PCLO: variants seen among roughly 807,000 people sequenced by gnomAD.
PCLO encodes piccolo presynaptic cytomatrix protein.
Under a neutral mutation model 427.5 loss-of-function variants are expected in PCLO, and 82 were observed. The ratio of observed to expected loss-of-function variants is 0.19; its 90% CI spans 0.16 to 0.23. The LOEUF is 0.23. Among genes scored for constraint, PCLO ranks in the 10% least tolerant of loss-of-function variants. The probability of loss-of-function intolerance (pLI) is 1.00; values close to 1 mark genes in which losing one functional copy is unlikely to be tolerated. For synonymous variants in PCLO, 2,357 were observed against 2,155.4 expected, an observed-to-expected ratio of 1.09 and a Z score of -2.59; for missense variants, 6,239 against 6,115.9, an observed-to-expected ratio of 1.02 and a Z score of -0.67.
intron 3 of PCLO, among the ~76,000 whole-genome samples, chr7:83,040,124 T>C (rs1788935671): frequency 6.8e-6 from 1 of 147,174 alleles, no homozygotes; most frequent in African/African-American, 2.5e-5. Flanking sequence ...TCATGTTTTC[T>C]TTTTTGTGCA....
At chr7:83,129,759 T>C (rs536196670) in intron 3 of PCLO, among the ~76,000 whole-genome samples, 12 of 152,302 alleles carry the variant, frequency 7.9e-5, no homozygotes, top group African/African-American at 2.6e-4. Flanking sequence ...AATGTTACTT[T>C]GGGTGTTTAA....
chr7:82,794,288 G>T (rs1315922638), intron 22 of PCLO, among the ~76,000 whole-genome samples: 3 of 151,358 alleles, frequency 2.0e-5, no homozygotes, highest in African/African-American at 7.3e-5. Context: ...TTTGAATAAC[G>T]TTTCTTTTCA....
chr7:82,913,878 A>G (rs1794381729), intron 7 of PCLO, among the ~76,000 whole-genome samples: 1 of 152,062 alleles, frequency 6.6e-6, no homozygotes, highest in Non-Finnish European at 1.5e-5. Context: ...CAAAAAACAA[A>G]ATCAAGAAAC....
In PCLO at chr7:82,950,262, G is replaced by C; in HGVS notation, c.10326C>G (p.Asp3442Glu). 6.2e-7 allele frequency: 1 copy of C among 1,613,082 alleles called. No individual in the cohort carries two copies. Among genetic ancestry groups the C allele is most frequent in the South Asian group, 1.1e-5 (1 of 91,018 alleles). ...CTTCGTCATCCGTTTGTACACCACT[G>C]TCCACTATCTTTTTAAAACTTCGGG... ...DDPRSFKKIV[D>E]SGVQTDDEDA... Residue 3442 changes from aspartate (D) to glutamate (E), a missense_variant, in exon 6 of 25, where the codon GAC becomes GAG. Physicochemically the swap from Asp to Glu is conservative, Grantham distance 45. Coordinates refer to ENST00000333891, the MANE Select transcript of PCLO (RefSeq NM_033026.6).
intron 3 of PCLO, among the ~76,000 whole-genome samples, chr7:83,085,546 T>G (rs1790209997): frequency 6.6e-6 from 1 of 152,092 alleles, no homozygotes; most frequent in South Asian, 2.1e-4. Flanking sequence ...CTCCCTTATT[T>G]CCATGATTTT....
At position 82,951,847 on chromosome 7, in the gene PCLO, C is replaced by G. The variant is rs752859301; in HGVS notation, c.9097+9G>C. 2 of 1,606,070 alleles carry G rather than the reference C, an allele frequency of 1.2e-6. No individual in the cohort carries two copies. Among genetic ancestry groups the G allele is most frequent in the Non-Finnish European group, 1.7e-6 (2 of 1,176,500 alleles). On this transcript the variant is annotated intron_variant, in intron 5 of 24. Coordinates refer to ENST00000333891, the MANE Select transcript of PCLO (RefSeq NM_033026.6). ...TTCAAGGAAAGGTCTGCTGCCACAT[C>G]ATACTGACCTGTAGTAACTCTCCCT...
intron 3 of PCLO, among the ~76,000 whole-genome samples, chr7:83,073,784 AT>A (rs559170434): frequency 3.8e-4 from 58 of 151,288 alleles, no homozygotes; most frequent in African/African-American, 1.3e-3. Context: ...TTTAACATAA[AT>A]TTTTTTAATT....
intron 4 of PCLO, among the ~76,000 whole-genome samples, chr7:82,960,387 A>T (rs113689966): frequency 0.017 from 2,659 of 152,296 alleles, 25 homozygotes; most frequent in Admixed American, 0.027. Flanking sequence ...ATTATTTTTC[A>T]TCGTTTCTGA....
At chr7:83,074,653 T>G (rs1310724618) in intron 3 of PCLO, among the ~76,000 whole-genome samples, 1 of 152,170 alleles carries the variant, frequency 6.6e-6, no homozygotes, top group Non-Finnish European at 1.5e-5. Context: ...TAGGCCAATG[T>G]GGGAAAATTA....
chr7:82,758,776 TTC>T, intron 24 of PCLO, 61 bp from the exon 25 acceptor site: 1 of 1,025,098 alleles, frequency 9.8e-7, no homozygotes. Context: ...GTGTATAGTT[TTC>T]AACCTTTTTT....
At chr7:82,839,424 C>T (rs910309001) in intron 14 of PCLO, among the ~76,000 whole-genome samples, 5 of 151,666 alleles carry the variant, frequency 3.3e-5, no homozygotes, top group African/African-American at 1.2e-4. Flanking sequence ...GAGTCCCTGA[C>T]CATAATAAAA....
At chr7:83,062,056 G>A (rs978783889) in intron 3 of PCLO, among the ~76,000 whole-genome samples, 3 of 152,190 alleles carry the variant, frequency 2.0e-5, no homozygotes, top group African/African-American at 7.2e-5. Context: ...AAGGTTAGTA[G>A]CAAAGAAAAA....
At chr7:82,982,383 T>C (rs762563444) in intron 3 of PCLO, among the ~76,000 whole-genome samples, 13 of 152,180 alleles carry the variant, frequency 8.5e-5, no homozygotes, top group Non-Finnish European at 1.6e-4. Flanking sequence ...AGAATCAGTG[T>C]TAACCAGTCA....
chr7:83,161,794 G>A (rs562386270), intron 1 of PCLO, among the ~76,000 whole-genome samples: 7 of 152,262 alleles, frequency 4.6e-5, no homozygotes, highest in Non-Finnish European at 1.0e-4. Context: ...GTTCCTCAAT[G>A]AATATAAAAG....
At chr7:82,781,829 C>A (rs1056485265) in intron 22 of PCLO, among the ~76,000 whole-genome samples, 2 of 152,146 alleles carry the variant, frequency 1.3e-5, no homozygotes, top group Non-Finnish European at 2.9e-5. Context: ...TCCATAAAAA[C>A]CCAAGAGGAT....
chr7:82,900,520 T>G (rs1019369419), intron 9 of PCLO, among the ~76,000 whole-genome samples: 1 of 147,522 alleles, frequency 6.8e-6, no homozygotes, highest in Non-Finnish European at 1.5e-5. Context: ...TTGGAAAAAT[T>G]TATATTTTAT....
intron 3 of PCLO, among the ~76,000 whole-genome samples, chr7:83,089,920 T>G (rs1790335792): frequency 6.6e-6 from 1 of 152,210 alleles, no homozygotes; most frequent in South Asian, 2.1e-4. Context: ...GAGTATCCAG[T>G]AGTTTCCGTT....
At chr7:83,081,651 T>C (rs754069104) in intron 3 of PCLO, among the ~76,000 whole-genome samples, 6 of 151,870 alleles carry the variant, frequency 4.0e-5, no homozygotes, top group Non-Finnish European at 7.4e-5. Flanking sequence ...CCTATGGTAC[T>C]GTATCTGTCA....
At position 82,785,645 on chromosome 7, in the gene PCLO, T is replaced by C. The variant is rs529323463; in HGVS notation, c.15007+15873A>G. On this transcript the variant is annotated intron_variant, in intron 22 of 24. Transcript: ENST00000333891. ...GGCACTGACAGGAGCAAGAGAAAACTTCCTTAACAGAGCCAGATGGAGAGC... is the reference window on the plus strand; with the variant it reads ...GGCACTGACAGGAGCAAGAGAAAACCTCCTTAACAGAGCCAGATGGAGAGC... 2.0e-5 allele frequency among the ~76,000 whole-genome samples: 3 copies of C among 152,180 alleles called. No individual in the cohort carries two copies. In the South Asian group the frequency reaches 6.2e-4, roughly 32 times the overall value.
Sources: gnomAD v4.1 joint callset for allele counts (sites outside exome capture counted in the v4.1 genomes callset) on GRCh38, gnomAD v4.1.1 for gene constraint, MANE v1.5 for transcripts, NCBI Gene and HGNC (gene_info 2026-07-23, HGNC 2026-07-21) for gene names.